The following KCNMA1 variants were observed in gnomAD, a reference collection of about 807,000 sequenced individuals.
KCNMA1 encodes Calcium-activated potassium channel subunit alpha-1.
Under a neutral mutation model 140.0 loss-of-function variants are expected in KCNMA1, and 29 were observed. That is an observed-to-expected ratio of 0.21 (90% CI 0.15 to 0.28). KCNMA1 has a LOEUF of 0.28. KCNMA1 is among the 10% of genes least tolerant of loss of function. KCNMA1 has a pLI of 1.00. For synonymous variants in KCNMA1, 612 were observed against 611.9 expected (o/e 1.00, Z 0.00); for missense variants, 880 against 1,602.2 (o/e 0.55, Z 7.70).
At chr10:77,324,705 T>G (rs1296079418) in intron 2 of KCNMA1, among the ~76,000 whole-genome samples, 1 of 152,168 alleles carries the variant, frequency 6.6e-6, no homozygotes, top group East Asian at 1.9e-4. Context: ...AGAGCTTTTC[T>G]GTCACGTTCT....
At chr10:77,116,959 C>T (rs1210998809) in intron 6 of KCNMA1, among the ~76,000 whole-genome samples, 1 of 152,198 alleles carries the variant, frequency 6.6e-6, no homozygotes, top group Non-Finnish European at 1.5e-5. Flanking sequence ...GATTTGGCCT[C>T]TCCCTGCACA....
At chr10:77,219,824 A>T (rs186836072) in intron 3 of KCNMA1, among the ~76,000 whole-genome samples, 36 of 152,304 alleles carry the variant, frequency 2.4e-4, no homozygotes, top group Admixed American at 2.3e-3. Context: ...TAGGAACTGT[A>T]AGAAGACTAC....
chr10:76,937,014 G>A (rs1352109554), intron 23 of KCNMA1, among the ~76,000 whole-genome samples: 1 of 152,140 alleles, frequency 6.6e-6, no homozygotes, highest in Non-Finnish European at 1.5e-5. Flanking sequence ...TCAAGAACAT[G>A]CTGGATATCC....
intron 5 of KCNMA1, among the ~76,000 whole-genome samples, chr10:77,127,267 C>T (rs969635428): frequency 4.0e-5 from 6 of 151,720 alleles, no homozygotes; most frequent in Non-Finnish European, 7.4e-5. Flanking sequence ...TTAAAAAATA[C>T]GTACACAGAA....
chr10:77,091,729 T>C (rs1052682236), intron 9 of KCNMA1: 3 of 152,214 alleles, frequency 2.0e-5, no homozygotes, highest in African/African-American at 7.2e-5. Context: ...ACTTCATAAT[T>C]GCTCTGTGCA....
chr10:77,615,119 TCA>T (rs1337530467), intron 1 of KCNMA1, among the ~76,000 whole-genome samples: 1 of 152,142 alleles, frequency 6.6e-6, no homozygotes, highest in East Asian at 1.9e-4. Flanking sequence ...CCTCAGCCTA[TCA>T]GAGTAGCACA....
chr10:77,048,916 A>G (rs1481912428), intron 14 of KCNMA1, among the ~76,000 whole-genome samples: 1 of 151,804 alleles, frequency 6.6e-6, no homozygotes, highest in Non-Finnish European at 1.5e-5. Flanking sequence ...GCCTGCCACC[A>G]CGCCCGGTTA....
intron 15 of KCNMA1, among the ~76,000 whole-genome samples, chr10:77,036,471 G>A (rs1404744820): frequency 6.6e-6 from 1 of 152,168 alleles, no homozygotes; most frequent in Non-Finnish European, 1.5e-5. Flanking sequence ...TGCCAGCCTA[G>A]AGAAAAAGCA....
chr10:76,953,938 GACAGGAAA>G lies in KCNMA1; in HGVS notation c.2361-22_2361-15del. On this transcript the variant is annotated splice_polypyrimidine_tract_variant and intron_variant, in intron 20 of 27. Transcript: ENST00000286628. ...AAGGGGTCATGCCTGGGAAGAAAAG[GACAGGAAA>G]ACCTAAGTGGAAAATGTGATAAATT... is the stretch of plus-strand genomic sequence containing the variant. 1 of 1,613,892 alleles carries G rather than the reference GACAGGAAA, an allele frequency of 6.2e-7. No homozygotes were observed. The highest frequency in any genetic ancestry group is 8.5e-7 in the Non-Finnish European group (1 of 1,179,856).
intron 1 of KCNMA1, among the ~76,000 whole-genome samples, chr10:77,468,249 G>A (rs1193923431): frequency 6.6e-6 from 1 of 152,118 alleles, no homozygotes; most frequent in Non-Finnish European, 1.5e-5. Flanking sequence ...ACTGTCAGGG[G>A]ATTCTGTCAG....
intron 2 of KCNMA1, among the ~76,000 whole-genome samples, chr10:77,307,785 G>A (rs755488537): frequency 3.9e-5 from 6 of 152,208 alleles, no homozygotes; most frequent in Middle Eastern, 3.4e-3. Context: ...TCCTGACCTC[G>A]TGATCCACCC....
intron 3 of KCNMA1, among the ~76,000 whole-genome samples, chr10:77,224,921 T>C (rs1012624842): frequency 1.3e-5 from 2 of 152,206 alleles, no homozygotes; most frequent in Non-Finnish European, 2.9e-5. Flanking sequence ...CATGCTGTTG[T>C]TGGCGCCGCT....
Position 76,915,067 on chromosome 10 carries a change from G to C in KCNMA1, c.2903-18C>G, listed in dbSNP as rs2052191583. ...TGTGAACCCTAGTGGGAAGGAAACA[G>C]AGGAGGAAGAAAAATCAGAGAAGTA... On this transcript the variant is annotated intron_variant, in intron 23 of 27. Transcript: ENST00000286628. 1 of 1,569,218 alleles carries C rather than the reference G, an allele frequency of 6.4e-7. No homozygotes were observed. Among genetic ancestry groups the C allele is most frequent in the South Asian group, 1.1e-5 (1 of 90,178 alleles).
intron 2 of KCNMA1, among the ~76,000 whole-genome samples, chr10:77,332,554 C>T (rs1405532687): frequency 7.0e-6 from 1 of 142,918 alleles, no homozygotes; most frequent in African/African-American, 2.7e-5. Context: ...CCTAGTTGAC[C>T]TCCTGCCTCA....
At chr10:76,979,415 C>T (rs2078715461) in intron 19 of KCNMA1, 1 of 152,180 alleles carries the variant, frequency 6.6e-6, no homozygotes, top group Non-Finnish European at 1.5e-5. Flanking sequence ...TACATTTCCA[C>T]TTTGGGGTGA....
intron 17 of KCNMA1, among the ~76,000 whole-genome samples, chr10:77,014,395 C>T (rs1305980952): frequency 1.3e-5 from 2 of 148,438 alleles, no homozygotes; most frequent in Non-Finnish European, 3.0e-5. Context: ...CACTGCACTC[C>T]AGCCTGGGAG....
chr10:77,001,564 G>A lies in KCNMA1; in HGVS notation c.2109C>T (p.Tyr703=), dbSNP rs1473587265. The A allele has an allele frequency of 3.2e-6, 5 of 1,551,786 alleles. No homozygotes were observed. The Admixed American group carries it at 7.8e-5, about 24-fold the overall frequency. The part of the protein sequence containing the change: ...CGCKRPKMSI[Y]KRMRRACCFD... ...AACAACATGCCCGTCTCATTCTCTT[G>A]TAGATGGACATCTTGGCTATAACCG... The change falls in exon 19 of 28, where the codon TAC becomes TAT. Residue 703 remains tyrosine (Y), a synonymous_variant. Coordinates refer to ENST00000286628, the MANE Select transcript of KCNMA1 (RefSeq NM_001161352.2).
intron 3 of KCNMA1, among the ~76,000 whole-genome samples, chr10:77,225,315 C>T (rs752329273): frequency 9.2e-5 from 14 of 152,152 alleles, no homozygotes; most frequent in Non-Finnish European, 2.9e-5. Context: ...GGGCTTCAGT[C>T]TGGCCATCTG....
intron 1 of KCNMA1, among the ~76,000 whole-genome samples, chr10:77,506,956 C>G (rs567086894): frequency 2.6e-5 from 4 of 151,386 alleles, no homozygotes; most frequent in African/African-American, 9.7e-5. Flanking sequence ...AGCTCCTAAC[C>G]CTCTCTCTGG....
Sources: gnomAD v4.1 joint callset for allele counts (sites outside exome capture counted in the v4.1 genomes callset) on GRCh38, gnomAD v4.1.1 for gene constraint, MANE v1.5 for transcripts, NCBI Gene and HGNC (gene_info 2026-07-23, HGNC 2026-07-21) for gene names.